HINFP: variants seen among roughly 807,000 people sequenced by gnomAD.
The protein encoded by HINFP is histone H4 transcription factor.
Under a neutral mutation model 50.1 loss-of-function variants are expected in HINFP, and 20 were observed. The observed-to-expected ratio is 0.40, with a 90% CI of 0.28 to 0.58. HINFP has a LOEUF of 0.58. Among genes scored for constraint, HINFP ranks in the 20% least tolerant of loss-of-function variants. HINFP has a pLI of 0.45. For missense variants in HINFP, 505 were observed against 664.1 expected (o/e 0.76, Z 2.63); for synonymous variants, 247 against 243.7 (o/e 1.01, Z -0.13).
Position 119,130,933 on chromosome 11 carries a change from G to A in HINFP, c.390G>A (p.Leu130=), listed in dbSNP as rs956249847. 3 of 1,614,220 alleles carry A rather than the reference G, an allele frequency of 1.9e-6. No individual in the cohort carries two copies. Among genetic ancestry groups the A allele is most frequent in the Non-Finnish European group, 1.7e-6 (2 of 1,180,032 alleles). ...TCCCTGATATCCCTGACCACTTCCT[G>A]TGTCTGTGGGAGCACTGTGAGGTCA... The part of the protein sequence containing the change: ...NVIPDIPDHF[L]CLWEHCENSF... Residue 130 remains leucine (L), a synonymous_variant, in exon 3 of 10, where the codon CTG becomes CTA. Coordinates refer to ENST00000350777, the MANE Select transcript of HINFP (RefSeq NM_198971.3).
Position 119,131,489 on chromosome 11 carries a change from C to A in HINFP, c.412-46C>A. ...ATTCTTCGGGCACATAGGGGTGAGT[C>A]CCTCTACCCACCCTCAGTCCTCACC... On this transcript the variant is annotated intron_variant, in intron 3 of 9. Transcript: ENST00000350777. This position sits in a 1 kb window ranked among gnomAD's most constrained non-coding sequence, Gnocchi z 4.2. 2 of 1,272,770 alleles carry A rather than the reference C, an allele frequency of 1.6e-6. No homozygotes were observed. The highest frequency in any genetic ancestry group is 2.4e-5 in the South Asian group (2 of 84,200). 78.8% of individuals were successfully genotyped at this position (1,272,770 alleles called of 1,614,324 possible). A position where few individuals can be genotyped will look rare whatever the true frequency, so the allele number is the denominator to read the frequency against.
intron 2 of HINFP, 148 bp downstream of exon 2, chr11:119,127,273 C>T: frequency 1.6e-6 from 1 of 633,144 alleles, no homozygotes. Flanking sequence ...ATTGTAAACT[C>T]ATTTATAGAA....
At chr11:119,127,268 A>G in intron 2 of HINFP, 143 bp downstream of exon 2, 1 of 660,146 alleles carries the variant, frequency 1.5e-6, no homozygotes, top group Non-Finnish European at 2.4e-6. Context: ...AAAACATTGT[A>G]AACTCATTTA....
chr11:119,121,789 G>A (rs1281522133), intron 1 of HINFP, 150 bp downstream of exon 1: 1 of 152,568 alleles, frequency 6.6e-6, no homozygotes, highest in Non-Finnish European at 1.5e-5. Context: ...CTAGTCTAGG[G>A]GCTTCGCTGC....
Position 119,121,624 on chromosome 11 carries a change from C to G in HINFP, c.-26C>G, listed in dbSNP as rs1050605973. On this transcript the variant is annotated 5_prime_UTR_variant, in exon 1 of 10. Transcript: ENST00000350777. The stretch of plus-strand genomic sequence containing the variant: ...GAGGTGGGAGAAGAGCTGAAGAGAC[C>G]TGGAGCCGACAGACGGTAAGCTGGG... 1 of 152,348 alleles carries G rather than the reference C, an allele frequency of 6.6e-6. No individual in the cohort carries two copies. 9.4% of individuals were successfully genotyped at this position (152,348 alleles called of 1,614,324 possible).
chr11:119,127,768 T>C (rs1393931816), intron 2 of HINFP, among the ~76,000 whole-genome samples: 1 of 152,066 alleles, frequency 6.6e-6, no homozygotes, highest in African/African-American at 2.4e-5. Flanking sequence ...CTCAAACTCC[T>C]GGCCTCGAGC....
chr11:119,125,086 T>A (rs918635285), intron 1 of HINFP: 1 of 136,318 alleles, frequency 7.3e-6, no homozygotes, highest in African/African-American at 2.8e-5. Flanking sequence ...TTGCCCAGGC[T>A]GGAGTACAGT....
chr11:119,130,617 A>G (rs942695561), intron 2 of HINFP, 108 bp from the exon 3 acceptor site: 39 of 916,686 alleles, frequency 4.3e-5, no homozygotes, highest in Non-Finnish European at 5.5e-5. Context: ...GTTAGAGTCC[A>G]GCCTCCTCAC....
At position 119,132,859 on chromosome 11, in the gene HINFP, G is replaced by T; in HGVS notation, c.876-5G>T. On this transcript the variant is annotated splice_polypyrimidine_tract_variant and splice_region_variant and intron_variant, in intron 7 of 9. Coordinates refer to ENST00000350777, the MANE Select transcript of HINFP (RefSeq NM_198971.3). ...CCTCCAATCCCTCCTGATTTCTCAT[G>T]GCAGCTGCAAGAATCTTATTGACCT... The T allele has an allele frequency of 6.2e-7, 1 of 1,614,138 alleles. No individual in the cohort carries two copies. Among genetic ancestry groups the T allele is most frequent in the Non-Finnish European group, 8.5e-7 (1 of 1,180,036 alleles).
At position 119,127,810 on chromosome 11, in the gene HINFP, G is replaced by T. The variant is rs146134042; in HGVS notation, c.181+685G>T. Among the ~76,000 whole-genome samples, 1,356 of 151,646 alleles carry T rather than the reference G, an allele frequency of 8.9e-3. 14 individuals carry two copies. Among genetic ancestry groups the T allele is most frequent in the African/African-American group, 0.03 (1,239 of 41,348 alleles). The stretch of plus-strand genomic sequence containing the variant: ...CCTACCTTAGCCTCCTAAGTAGCTG[G>T]GACTATTGGCTTGTGCCACCAAGTC... On this transcript the variant is annotated intron_variant, in intron 2 of 9. Coordinates refer to ENST00000350777, the MANE Select transcript of HINFP (RefSeq NM_198971.3).
rs1386159027 is a variant in HINFP, at chr11:119,133,763, A to G, written c.1140-321A>G. On this transcript the variant is annotated intron_variant, in intron 9 of 9. Coordinates refer to ENST00000350777, the MANE Select transcript of HINFP (RefSeq NM_198971.3). ...GCCAAAAAGTCCTGCAGCTGGAACT[A>G]GAGCTAGAGTCTAAGGGTTCTGATC... The G allele has an allele frequency of 1.2e-5, 5 of 421,110 alleles. No homozygotes were observed. The Admixed American group carries it at 2.0e-4, about 16-fold the overall frequency. 26.1% of individuals were successfully genotyped at this position (421,110 alleles called of 1,614,324 possible).
At chr11:119,129,490 C>CTTTTTTTTCTTTTTTTTTTTTTTTTTTTT (rs776476604) in intron 2 of HINFP, among the ~76,000 whole-genome samples, 23 of 124,178 alleles carry the variant, frequency 1.9e-4, no homozygotes, top group African/African-American at 7.1e-4. Flanking sequence ...TTTTTCTTTT[C>CTTTTTTTTCTTTTTTTTTTTTTTTTTTTT]TTTTTTTTTT....
chr11:119,124,875 G>A (rs1947297177), intron 1 of HINFP: 1 of 151,992 alleles, frequency 6.6e-6, no homozygotes, highest in African/African-American at 2.4e-5. Flanking sequence ...AGGAGGCTGA[G>A]GCAGGAGAAT....
intron 1 of HINFP, 35 bp from the exon 2 acceptor site, chr11:119,126,900 T>C: frequency 6.4e-7 from 1 of 1,564,888 alleles, no homozygotes; most frequent in Middle Eastern, 2.1e-4. Context: ...CTGGGTGGAA[T>C]TCTTGCAGCT....
chr11:119,131,378 C>T lies in HINFP; in HGVS notation c.412-157C>T, dbSNP rs546833614. 1.5e-4 allele frequency: 99 copies of T among 642,784 alleles called. No homozygotes were observed. The highest frequency in any genetic ancestry group is 1.4e-3 in the Middle Eastern group (5 of 3,472). 39.8% of individuals were successfully genotyped at this position (642,784 alleles called of 1,614,324 possible). On this transcript the variant is annotated intron_variant, in intron 3 of 9. Coordinates refer to ENST00000350777, the MANE Select transcript of HINFP (RefSeq NM_198971.3). The surrounding 1 kb of genome is among the most constrained non-coding windows in gnomAD (Gnocchi z 4.2). ...TGCTGGGATTACAGGGTTTAGCAACCGCACCCGGCCACTCCTCCATTTCTG... is the reference window on the plus strand; with the variant it reads ...TGCTGGGATTACAGGGTTTAGCAACTGCACCCGGCCACTCCTCCATTTCTG...
At chr11:119,121,907 C>T (rs1183443567) in intron 1 of HINFP, 1 of 152,384 alleles carries the variant, frequency 6.6e-6, no homozygotes, top group African/African-American at 2.4e-5. Flanking sequence ...TCCTTCTGTC[C>T]AAATTCTACC....
chr11:119,126,806 G>T (rs1194213792), intron 1 of HINFP, 129 bp from the exon 2 acceptor site: 7 of 719,920 alleles, frequency 9.7e-6, no homozygotes. Flanking sequence ...TACTGTAAAA[G>T]GGCAGGGTTT....
rs1002704025 is a variant in HINFP at position 119,131,173 on chromosome 11, T to C, written c.411+219T>C. 1 of 674,398 alleles carries C rather than the reference T, an allele frequency of 1.5e-6. No individual in the cohort carries two copies. Among genetic ancestry groups the C allele is most frequent in the Non-Finnish European group, 2.7e-6 (1 of 369,064 alleles). The allele number at this position is 674,398 out of a possible 1,614,324, so 41.8% of individuals were successfully genotyped here. A position where few individuals can be genotyped will look rare whatever the true frequency, so the allele number is the denominator to read the frequency against. On this transcript the variant is annotated intron_variant, in intron 3 of 9. Transcript: ENST00000350777. This position sits in a 1 kb window ranked among gnomAD's most constrained non-coding sequence, Gnocchi z 4.2. ...GTACAATCATAGCTCACTGTAACCT[T>C]GAACTCCTGGGCTCAAGCAATCCTC...
chr11:119,129,523 C>T (rs1444518371), intron 2 of HINFP, among the ~76,000 whole-genome samples: 2 of 122,640 alleles, frequency 1.6e-5, no homozygotes, highest in Non-Finnish European at 3.4e-5. Context: ...TGCAGTGGCT[C>T]GATCTCCGCT....
Sources: allele counts gnomAD v4.1 joint callset (sites outside exome capture counted in the v4.1 genomes callset), GRCh38; gene constraint gnomAD v4.1.1; non-coding constraint Gnocchi (gnomAD v3.1); transcripts MANE v1.5; gene names NCBI Gene and HGNC (gene_info 2026-07-23, HGNC 2026-07-21).